Variants in GPR158 observed in about 807,000 individuals in gnomAD.
The protein encoded by GPR158 is G protein-coupled receptor 158.
A neutral mutation model predicts 78.2 loss-of-function variants in GPR158; 30 were observed. The observed-to-expected ratio is 0.38, with a 90% CI of 0.29 to 0.52. The LOEUF (loss-of-function observed/expected upper bound fraction) is 0.52, where lower values mean the gene tolerates loss of function less well. Ranked by LOEUF, GPR158 falls within the 20% of genes least tolerant of loss-of-function variation. The probability of loss-of-function intolerance (pLI) is 0.83; values close to 1 mark genes in which losing one functional copy is unlikely to be tolerated. For synonymous variants in GPR158, 581 were observed against 591.1 expected, an observed-to-expected ratio of 0.98 and a Z score of 0.25; for missense variants, 1,463 against 1,523.5, an observed-to-expected ratio of 0.96 and a Z score of 0.66.
intron 2 of GPR158, among the ~76,000 whole-genome samples, chr10:25,272,136 A>T (rs1455014785): frequency 1.3e-5 from 2 of 152,198 alleles, no homozygotes; most frequent in South Asian, 2.1e-4. Context: ...TTAAGGGAAC[A>T]TTTCTGATTA....
At chr10:25,594,720 G>T (rs549961894) in intron 9 of GPR158, among the ~76,000 whole-genome samples, 1 of 152,034 alleles carries the variant, frequency 6.6e-6, no homozygotes, top group African/African-American at 2.4e-5. Flanking sequence ...CCTATTCTAA[G>T]AATCCTCTTG....
intron 2 of GPR158, among the ~76,000 whole-genome samples, chr10:25,265,319 C>T (rs1854031308): frequency 6.6e-6 from 1 of 152,144 alleles, no homozygotes; most frequent in East Asian, 1.9e-4. Context: ...TCTCTCTCTT[C>T]TCTTGCTGCA....
chr10:25,199,044 A>G (rs1852883469), intron 1 of GPR158, among the ~76,000 whole-genome samples: 1 of 142,510 alleles, frequency 7.0e-6, no homozygotes, highest in Admixed American at 7.3e-5. Context: ...TTTAGAAATA[A>G]TCATTTGCTT....
intron 2 of GPR158, among the ~76,000 whole-genome samples, chr10:25,366,459 T>C (rs1855725921): frequency 6.6e-6 from 1 of 151,682 alleles, no homozygotes; most frequent in Admixed American, 6.6e-5. Flanking sequence ...AAAAATTATA[T>C]GTATTTATGG....
chr10:25,355,590 C>G (rs1855539773), intron 2 of GPR158, among the ~76,000 whole-genome samples: 1 of 152,054 alleles, frequency 6.6e-6, no homozygotes, highest in Non-Finnish European at 1.5e-5. Flanking sequence ...ACGTCTGTGA[C>G]TTTGCACTGG....
chr10:25,466,613 TG>T lies in GPR158; in HGVS notation c.1336-37del. ...AGCGTGAATTCTCCAGGCTTAGAAA[TG>T]TAAGTTAGTAATGACGTTTTTATTT... is the stretch of plus-strand genomic sequence containing the variant. On this transcript the variant is annotated intron_variant, in intron 4 of 10. Coordinates refer to ENST00000376351, the MANE Select transcript of GPR158 (RefSeq NM_020752.3). 2.2e-6 allele frequency: 3 copies of T among 1,391,486 alleles called. No homozygotes were observed. The Admixed American group carries it at 5.5e-5, about 26-fold the overall frequency. The allele number at this position is 1,391,486 out of a possible 1,614,324, so 86.2% of individuals were successfully genotyped here. A position where few individuals can be genotyped will look rare whatever the true frequency, so the allele number is the denominator to read the frequency against.
At chr10:25,179,035 C>T (rs572964929) in intron 1 of GPR158, among the ~76,000 whole-genome samples, 2 of 152,076 alleles carry the variant, frequency 1.3e-5, no homozygotes, top group Non-Finnish European at 2.9e-5. Flanking sequence ...AAAAATTAGC[C>T]CATAGAAAAC....
At chr10:25,365,346 G>A (rs138641490) in intron 2 of GPR158, among the ~76,000 whole-genome samples, 7 of 151,462 alleles carry the variant, frequency 4.6e-5, no homozygotes, top group South Asian at 2.1e-4. Flanking sequence ...TTGATTTAGC[G>A]TTTAGTAGGC....
intron 2 of GPR158, among the ~76,000 whole-genome samples, chr10:25,243,445 C>T (rs1441005890): frequency 6.6e-6 from 1 of 152,226 alleles, no homozygotes; most frequent in East Asian, 1.9e-4. Flanking sequence ...TTTTGGAAGG[C>T]CTTTCCCACA....
chr10:25,453,420 A>G (rs888973633), intron 4 of GPR158, among the ~76,000 whole-genome samples: 1 of 152,146 alleles, frequency 6.6e-6, no homozygotes, highest in Admixed American at 6.6e-5. Flanking sequence ...TAGCCATTCT[A>G]ACAGGTGTGA....
At chr10:25,508,158 A>AT (rs955036536) in intron 5 of GPR158, among the ~76,000 whole-genome samples, 1 of 151,690 alleles carries the variant, frequency 6.6e-6, no homozygotes, top group South Asian at 2.1e-4. Context: ...TTATTTATTT[A>AT]TTTTTTTTGT....
intron 2 of GPR158, among the ~76,000 whole-genome samples, chr10:25,293,913 T>A (rs1021851738): frequency 3.3e-5 from 5 of 151,910 alleles, no homozygotes; most frequent in Non-Finnish European, 7.4e-5. Context: ...ACCCAGCTAA[T>A]TTTTTGTATT....
At chr10:25,381,685 G>A (rs1023412284) in intron 2 of GPR158, among the ~76,000 whole-genome samples, 3 of 152,062 alleles carry the variant, frequency 2.0e-5, no homozygotes, top group Admixed American at 6.6e-5. Flanking sequence ...AGTTGAAGGA[G>A]TTTCTTCTCA....
chr10:25,586,511 G>T (rs544589700), intron 7 of GPR158, among the ~76,000 whole-genome samples: 1 of 146,650 alleles, frequency 6.8e-6, no homozygotes, highest in Admixed American at 7.1e-5. Context: ...CAAGCAATTC[G>T]CCTGCCTCAG....
At chr10:25,401,875 C>T (rs56164254) in intron 3 of GPR158, among the ~76,000 whole-genome samples, 3,040 of 152,086 alleles carry the variant, frequency 0.02, 38 homozygotes, top group Middle Eastern at 0.034. Context: ...ACATTTCTTA[C>T]ACAAAATCAT....
chr10:25,449,913 G>A (rs1037623155), intron 4 of GPR158, among the ~76,000 whole-genome samples: 2 of 151,508 alleles, frequency 1.3e-5, no homozygotes, highest in Non-Finnish European at 2.9e-5. Context: ...TATATTGTAT[G>A]TTTTTATAAA....
At chr10:25,324,169 G>C (rs117003410) in intron 2 of GPR158, among the ~76,000 whole-genome samples, 6 of 152,280 alleles carry the variant, frequency 3.9e-5, no homozygotes, top group Non-Finnish European at 8.8e-5. Context: ...CTTTTGTTTT[G>C]CATTTACAAC....
At chr10:25,436,359 A>G (rs1834997144) in intron 4 of GPR158, among the ~76,000 whole-genome samples, 1 of 152,240 alleles carries the variant, frequency 6.6e-6, no homozygotes. Flanking sequence ...CTGGAAACTT[A>G]GTAGAGAAAT....
intron 2 of GPR158, among the ~76,000 whole-genome samples, chr10:25,253,108 C>A (rs61855493): frequency 2.8e-5 from 4 of 145,034 alleles, no homozygotes; most frequent in African/African-American, 7.6e-5. Context: ...TTCTTTGACT[C>A]GGAAAGGGAA....
Sources: gnomAD v4.1 joint callset for allele counts (sites outside exome capture counted in the v4.1 genomes callset) on GRCh38, gnomAD v4.1.1 for gene constraint, MANE v1.5 for transcripts, NCBI Gene and HGNC (gene_info 2026-07-23, HGNC 2026-07-21) for gene names.